UTRN: variants seen among roughly 807,000 people sequenced by gnomAD.
UTRN encodes the protein dystrophin-related protein 1.
A neutral mutation model predicts 463.9 loss-of-function variants in UTRN; 283 were observed. The ratio of observed to expected loss-of-function variants is 0.61; its 90% CI spans 0.55 to 0.67. The LOEUF (loss-of-function observed/expected upper bound fraction) is 0.67, where lower values mean the gene tolerates loss of function less well. UTRN is among the 30% of genes least tolerant of loss of function. UTRN has a pLI of 0.00. For missense variants in UTRN, 3,922 were observed against 4,084.3 expected (o/e 0.96, Z 1.08); for synonymous variants, 1,442 against 1,431.5 (o/e 1.01, Z -0.17).
chr6:144,785,350 C>G (rs927233587), intron 61 of UTRN, among the ~76,000 whole-genome samples: 2 of 152,308 alleles, frequency 1.3e-5, no homozygotes, highest in South Asian at 4.1e-4. Flanking sequence ...ACAGAATTCT[C>G]AAAGTAGAAG....
chr6:144,533,356 A>G (rs1797233488), intron 43 of UTRN, 96 bp downstream of exon 43: 15 of 1,502,362 alleles, frequency 1.0e-5, no homozygotes, highest in East Asian at 2.3e-5. Flanking sequence ...ATTGTTTGAC[A>G]TTATAATAGG....
intron 3 of UTRN, among the ~76,000 whole-genome samples, chr6:144,412,883 C>G (rs937098641): frequency 6.6e-6 from 1 of 151,928 alleles, no homozygotes; most frequent in South Asian, 2.1e-4. Flanking sequence ...TAATCAGTGT[C>G]GAAGGGCTCA....
At chr6:144,732,213 T>TA (rs1227278718) in intron 54 of UTRN, among the ~76,000 whole-genome samples, 2 of 85,146 alleles carry the variant, frequency 2.3e-5, no homozygotes, top group South Asian at 4.5e-4. Flanking sequence ...AGTACTCTGT[T>TA]TTATATATAT....
chr6:144,775,914 C>A (rs78430029), intron 60 of UTRN, among the ~76,000 whole-genome samples: 4 of 152,170 alleles, frequency 2.6e-5, no homozygotes, highest in Non-Finnish European at 4.4e-5. Context: ...ACAGAAGGGA[C>A]GCTTCTCCAA....
intron 28 of UTRN, 149 bp downstream of exon 28, chr6:144,485,668 A>G: frequency 1.7e-6 from 2 of 1,187,624 alleles, no homozygotes; most frequent in Non-Finnish European, 2.3e-6. Context: ...CATAGCCTGA[A>G]GTGTTTATAC....
chr6:144,353,091 T>C (rs538225147), intron 2 of UTRN, among the ~76,000 whole-genome samples: 13 of 152,196 alleles, frequency 8.5e-5, no homozygotes, highest in African/African-American at 3.1e-4. Context: ...TACAGGCATG[T>C]GCCACCACGC....
chr6:144,440,592 T>G, intron 13 of UTRN, 121 bp downstream of exon 13: 2 of 1,332,464 alleles, frequency 1.5e-6, no homozygotes. Flanking sequence ...AAAACCTACC[T>G]TTGATTGTAC....
intron 2 of UTRN, among the ~76,000 whole-genome samples, chr6:144,319,341 G>T (rs1775483552): frequency 6.6e-6 from 1 of 152,052 alleles, no homozygotes; most frequent in East Asian, 1.9e-4. Flanking sequence ...CAGAGACTTC[G>T]ACACTTAAGG....
At chr6:144,337,148 G>GAGACACACACACAC (rs796456791) in intron 2 of UTRN, among the ~76,000 whole-genome samples, 9 of 147,402 alleles carry the variant, frequency 6.1e-5, no homozygotes, top group Admixed American at 3.4e-4. Flanking sequence ...CTCACACACA[G>GAGACACACACACAC]AGACACACAC....
chr6:144,347,841 T>G (rs1562276548), intron 2 of UTRN, among the ~76,000 whole-genome samples: 1 of 144,854 alleles, frequency 6.9e-6, no homozygotes, highest in African/African-American at 2.9e-5. Flanking sequence ...TTCTTTGTTT[T>G]TTTTTTTTGT....
At chr6:144,328,419 T>C (rs1405355269) in intron 2 of UTRN, among the ~76,000 whole-genome samples, 3 of 152,080 alleles carry the variant, frequency 2.0e-5, no homozygotes, top group Non-Finnish European at 4.4e-5. Flanking sequence ...AGAATATTCT[T>C]AGGAGTGTCA....
At chr6:144,357,634 G>A (rs1178620575) in intron 2 of UTRN, among the ~76,000 whole-genome samples, 1 of 152,170 alleles carries the variant, frequency 6.6e-6, no homozygotes, top group Non-Finnish European at 1.5e-5. Context: ...TGGGATATGA[G>A]GATCAGATAA....
intron 51 of UTRN, among the ~76,000 whole-genome samples, chr6:144,650,723 A>C (rs1778728800): frequency 6.6e-6 from 1 of 152,194 alleles, no homozygotes; most frequent in Non-Finnish European, 1.5e-5. Context: ...AGCCTGACCA[A>C]CATGGTGAAA....
intron 51 of UTRN, among the ~76,000 whole-genome samples, chr6:144,650,402 T>C (rs1441623517): frequency 1.3e-5 from 2 of 152,208 alleles, no homozygotes; most frequent in Non-Finnish European, 2.9e-5. Flanking sequence ...GTGTATTAAT[T>C]GGTGATTCCA....
intron 19 of UTRN, among the ~76,000 whole-genome samples, chr6:144,455,714 T>C (rs1006641599): frequency 1.3e-5 from 2 of 152,204 alleles, no homozygotes; most frequent in Non-Finnish European, 2.9e-5. Flanking sequence ...TTTCTTATCC[T>C]TGGGAAAGTC....
chr6:144,644,994 A>G (rs1249989938), intron 51 of UTRN, among the ~76,000 whole-genome samples: 1 of 152,196 alleles, frequency 6.6e-6, no homozygotes, highest in Non-Finnish European at 1.5e-5. Flanking sequence ...TCTTTGTTTC[A>G]AAACAGTTCA....
chr6:144,834,910 T>C (rs1780979674), intron 69 of UTRN, among the ~76,000 whole-genome samples: 1 of 152,200 alleles, frequency 6.6e-6, no homozygotes, highest in African/African-American at 2.4e-5. Flanking sequence ...TTCCAGGACT[T>C]GTTTACCAAA....
At chr6:144,379,206 C>T (rs1780705736) in intron 2 of UTRN, among the ~76,000 whole-genome samples, 1 of 142,994 alleles carries the variant, frequency 7.0e-6, no homozygotes, top group East Asian at 2.0e-4. Context: ...TATTAGTTAT[C>T]TATTGCTCTG....
intron 2 of UTRN, among the ~76,000 whole-genome samples, chr6:144,328,560 CTTAAT>C (rs1300126716): frequency 9.2e-5 from 13 of 141,568 alleles, no homozygotes; most frequent in Non-Finnish European, 1.6e-4. Flanking sequence ...AAAATAGTAT[CTTAAT>C]TTATTAATTT....
Sources: gnomAD v4.1 joint callset for allele counts (sites outside exome capture counted in the v4.1 genomes callset) on GRCh38, gnomAD v4.1.1 for gene constraint, MANE v1.5 for transcripts, NCBI Gene and HGNC (gene_info 2026-07-23, HGNC 2026-07-21) for gene names.